TTC8: variants seen among roughly 807,000 people sequenced by gnomAD.
TTC8 encodes tetratricopeptide repeat domain 8.
TTC8 carries 47 observed loss-of-function variants against 72.5 expected under a neutral mutation model. That is an observed-to-expected ratio of 0.65 (90% CI 0.51 to 0.83). The LOEUF (loss-of-function observed/expected upper bound fraction) is 0.83, where lower values mean the gene tolerates loss of function less well. Ranked by LOEUF, TTC8 falls within the 40% of genes least tolerant of loss-of-function variation. The pLI is 0.00. For missense variants in TTC8, 611 were observed against 623.2 expected (o/e 0.98, Z 0.21); for synonymous variants, 199 against 221.4 (o/e 0.90, Z 0.90).
intron 8 of TTC8, among the ~76,000 whole-genome samples, chr14:88,854,152 A>C (rs1326780175): frequency 7.2e-5 from 11 of 152,096 alleles, no homozygotes; most frequent in Admixed American, 6.6e-4. Context: ...ATATCATTAA[A>C]CTCTTATGAA....
At chr14:88,853,088 G>T in intron 8 of TTC8, 32 bp downstream of exon 8, 5 of 1,538,488 alleles carry the variant, frequency 3.2e-6, no homozygotes, top group Non-Finnish European at 4.5e-6. Flanking sequence ...GGGCTTAGAA[G>T]TGGCCACGTA....
chr14:88,846,517 A>C, intron 7 of TTC8: 4 of 677,422 alleles, frequency 5.9e-6, no homozygotes, highest in Non-Finnish European at 7.3e-6. Flanking sequence ...GTGAGGGGGA[A>C]GAGTTGTTGG....
chr14:88,870,299 T>A, intron 11 of TTC8, 101 bp downstream of exon 11: 1 of 1,319,966 alleles, frequency 7.6e-7, no homozygotes, highest in Non-Finnish European at 1.1e-6. Context: ...GTATAGGCCA[T>A]GTCTTTATGA....
chr14:88,853,325 G>C (rs2094842024), intron 8 of TTC8, among the ~76,000 whole-genome samples: 1 of 152,192 alleles, frequency 6.6e-6, no homozygotes. Context: ...CCAAGACAGT[G>C]GCTGTAATTT....
intron 7 of TTC8, among the ~76,000 whole-genome samples, chr14:88,848,253 C>G (rs2094817714): frequency 6.8e-6 from 1 of 147,038 alleles, no homozygotes; most frequent in Non-Finnish European, 1.5e-5. Flanking sequence ...TAGAGGTGTA[C>G]TTTTTTAATA....
chr14:88,842,700 C>G (rs2094787499), intron 6 of TTC8, among the ~76,000 whole-genome samples: 1 of 152,116 alleles, frequency 6.6e-6, no homozygotes, highest in South Asian at 2.1e-4. Context: ...CTAGATTTAG[C>G]CTGAACTAGA....
At chr14:88,839,424 A>T (rs750183643) in intron 2 of TTC8, 28 bp from the exon 3 acceptor site, 1 of 1,610,104 alleles carries the variant, frequency 6.2e-7, no homozygotes, top group South Asian at 1.1e-5. Context: ...CTATTTTAAT[A>T]TATGTTTTAT....
chr14:88,834,213 C>A (rs1216551289), intron 2 of TTC8, among the ~76,000 whole-genome samples: 2 of 152,090 alleles, frequency 1.3e-5, no homozygotes, highest in Non-Finnish European at 2.9e-5. Flanking sequence ...ACTGGCCAGA[C>A]AGTCACATCG....
chr14:88,826,430 C>T (rs1310083061), intron 1 of TTC8, among the ~76,000 whole-genome samples: 1 of 151,764 alleles, frequency 6.6e-6, no homozygotes, highest in Non-Finnish European at 1.5e-5. Context: ...TGTGGCCGGG[C>T]ACGGTGGCTT....
intron 10 of TTC8, among the ~76,000 whole-genome samples, chr14:88,862,624 C>A (rs2094893202): frequency 9.3e-6 from 1 of 107,472 alleles, no homozygotes; most frequent in East Asian, 3.2e-4. Flanking sequence ...ACTCTGTTGC[C>A]CAGGCTGGAT....
Position 88,870,007 on chromosome 14 carries a change from T to G in TTC8, c.910-52T>G. The G allele has an allele frequency of 1.9e-6, 3 of 1,595,636 alleles. 1 individual carries two copies. The South Asian group carries it at 3.3e-5, about 18-fold the overall frequency. On this transcript the variant is annotated intron_variant, in intron 10 of 14. Transcript: ENST00000380656. ...ACTTAAATCAGTCAGAAAAAAATAA[T>G]TTTTTGTCCAATATTAATAAAATAT...
intron 2 of TTC8, among the ~76,000 whole-genome samples, chr14:88,839,122 GCTTTATT>G (rs2140972525): frequency 6.6e-6 from 1 of 152,198 alleles, no homozygotes; most frequent in East Asian, 1.9e-4. Context: ...TGTGGTTGTA[GCTTTATT>G]CATTTGTTTT....
At chr14:88,833,934 G>T in intron 2 of TTC8, 1 of 584,234 alleles carries the variant, frequency 1.7e-6, no homozygotes, top group Admixed American at 2.8e-5. Context: ...AACTAATAAT[G>T]CAGTCTACTC....
intron 1 of TTC8, among the ~76,000 whole-genome samples, chr14:88,831,610 T>TA (rs2094726397): frequency 6.6e-6 from 1 of 152,214 alleles, no homozygotes; most frequent in Non-Finnish European, 1.5e-5. Context: ...ATAGTATACC[T>TA]ATAACTCAGA....
At chr14:88,866,656 TTAAC>T (rs1332975534) in intron 10 of TTC8, among the ~76,000 whole-genome samples, 1 of 152,182 alleles carries the variant, frequency 6.6e-6, no homozygotes, top group Non-Finnish European at 1.5e-5. Context: ...AAGAACTTAA[TTAAC>T]CATCTATACT....
At chr14:88,834,059 A>C (rs751041443) in intron 2 of TTC8, 78 of 334,062 alleles carry the variant, frequency 2.3e-4, no homozygotes, top group Non-Finnish European at 4.0e-4. Flanking sequence ...AGTCAGCGGA[A>C]TGACAAATGT....
At position 88,870,217 on chromosome 14, in the gene TTC8, T is replaced by G. The variant is rs768677626; in HGVS notation, c.1049+19T>G. 6.2e-6 allele frequency: 10 copies of G among 1,613,076 alleles called. No homozygotes were observed. The highest frequency in any genetic ancestry group is 4.4e-5 in the South Asian group (4 of 91,058). On this transcript the variant is annotated intron_variant, in intron 11 of 14. Coordinates refer to ENST00000380656, the MANE Select transcript of TTC8 (RefSeq NM_144596.4). ...TTTACAGGTGCACTTCACATCCAAT[T>G]CTTAGAACCACTTTCCTGTGAAATA... is the stretch of plus-strand genomic sequence containing the variant.
chr14:88,841,279 CTGT>C, intron 5 of TTC8, 83 bp downstream of exon 5: 1 of 1,595,330 alleles, frequency 6.3e-7, no homozygotes, highest in Non-Finnish European at 8.6e-7. Context: ...TCATTTTCCC[CTGT>C]TGTTATAGTG....
intron 10 of TTC8, among the ~76,000 whole-genome samples, chr14:88,865,539 A>G (rs1274447342): frequency 2.6e-5 from 4 of 152,264 alleles, no homozygotes; most frequent in South Asian, 4.1e-4. Context: ...TTGGTGGCAC[A>G]TGCCTGTAAT....
Sources: allele counts gnomAD v4.1 joint callset (sites outside exome capture counted in the v4.1 genomes callset), GRCh38; gene constraint gnomAD v4.1.1; transcripts MANE v1.5; gene names NCBI Gene and HGNC (gene_info 2026-07-23, HGNC 2026-07-21).